The following UNC13C variants were observed in gnomAD, a reference collection of about 807,000 sequenced individuals.
UNC13C encodes unc-13 homolog C, also known as protein unc-13 homolog C.
Under a neutral mutation model 245.4 loss-of-function variants are expected in UNC13C, and 174 were observed. The observed-to-expected ratio is 0.71, with a 90% CI of 0.63 to 0.80. UNC13C has a LOEUF of 0.80. Among genes scored for constraint, UNC13C ranks in the 30% least tolerant of loss-of-function variants. The pLI is 0.00. For synonymous variants in UNC13C, 992 were observed against 895.1 expected (o/e 1.11, Z -1.93); for missense variants, 2,829 against 2,602.9 (o/e 1.09, Z -1.89).
chr15:53,923,361 G>A, the UNC13C span, among the ~76,000 whole-genome samples: 32 of 152,156 alleles, frequency 2.1e-4, no homozygotes, highest in African/African-American at 7.7e-4. Flanking sequence ...AAAGACTCTA[G>A]AAAAATTTAT....
At chr15:54,214,368 G>A (rs1243752329) in intron 4 of UNC13C, among the ~76,000 whole-genome samples, 1 of 151,910 alleles carries the variant, frequency 6.6e-6, no homozygotes, top group African/African-American at 2.4e-5. Flanking sequence ...TACTCGGTGA[G>A]ATGTGTCTTT....
chr15:54,095,897 C>T (rs1015486597), intron 2 of UNC13C, among the ~76,000 whole-genome samples: 7 of 152,106 alleles, frequency 4.6e-5, no homozygotes, highest in Non-Finnish European at 1.0e-4. Flanking sequence ...ACCAGAGATT[C>T]AGAAAGGGAA....
At chr15:54,070,513 G>C (rs559567925) in intron 2 of UNC13C, among the ~76,000 whole-genome samples, 2 of 152,284 alleles carry the variant, frequency 1.3e-5, no homozygotes, top group East Asian at 3.9e-4. Context: ...CAGCCCATCA[G>C]TCAGATGAGG....
At chr15:54,552,569 T>C (rs1411651986) in intron 28 of UNC13C, among the ~76,000 whole-genome samples, 2 of 24,880 alleles carry the variant, frequency 8.0e-5, no homozygotes, top group African/African-American at 1.3e-4. Flanking sequence ...TTATATATTA[T>C]ATATAATTAT....
chr15:54,315,963 C>A lies in UNC13C; in HGVS notation c.4269-5976C>A, dbSNP rs1050921596. Among the ~76,000 whole-genome samples the A allele has an allele frequency of 3.3e-5, 5 of 151,954 alleles. No individual in the cohort carries two copies. In the East Asian group the frequency reaches 9.8e-4, roughly 30 times the overall value. ...AGTTCAGACATCCATCGTCTCTTCT[C>A]TTCATAGCCTCCTAATTGGACTCTT... On this transcript the variant is annotated intron_variant, in intron 13 of 32. Coordinates refer to ENST00000260323, the MANE Select transcript of UNC13C (RefSeq NM_001080534.3).
intron 2 of UNC13C, among the ~76,000 whole-genome samples, chr15:54,019,999 A>G (rs929315218): frequency 6.6e-6 from 1 of 152,194 alleles, no homozygotes; most frequent in Non-Finnish European, 1.5e-5. Flanking sequence ...AACAGCAACA[A>G]CCACACACAC....
chr15:54,408,199 CAAAAAAAAAAAAA>C (rs71105808), intron 18 of UNC13C, among the ~76,000 whole-genome samples: 6 of 29,130 alleles, frequency 2.1e-4, no homozygotes, highest in African/African-American at 3.5e-4. Flanking sequence ...GACTCTGCCT[CAAAAAAAAAAAAA>C]AAAAAAAAAA....
intron 4 of UNC13C, among the ~76,000 whole-genome samples, chr15:54,230,049 T>A (rs2035506425): frequency 6.6e-6 from 1 of 152,226 alleles, no homozygotes; most frequent in Non-Finnish European, 1.5e-5. Context: ...TTTCATACCC[T>A]GGCTATATTG....
At chr15:54,561,815 C>G (rs867053212) in intron 29 of UNC13C, among the ~76,000 whole-genome samples, 1 of 151,756 alleles carries the variant, frequency 6.6e-6, no homozygotes, top group African/African-American at 2.4e-5. Flanking sequence ...GATTTGAGTT[C>G]CAGTTATTTA....
At chr15:54,192,263 T>C (rs1052286814) in intron 4 of UNC13C, among the ~76,000 whole-genome samples, 2 of 152,166 alleles carry the variant, frequency 1.3e-5, no homozygotes, top group Non-Finnish European at 2.9e-5. Context: ...ATTTGTTTTT[T>C]CATCTCTTCT....
At chr15:54,397,377 A>T (rs896544782) in intron 18 of UNC13C, among the ~76,000 whole-genome samples, 3 of 151,504 alleles carry the variant, frequency 2.0e-5, no homozygotes, top group Non-Finnish European at 3.0e-5. Context: ...AATCTGTTCC[A>T]CTGATCTATA....
chr15:54,050,170 C>T (rs1292757591), intron 2 of UNC13C: 1 of 455,446 alleles, frequency 2.2e-6, no homozygotes, highest in Non-Finnish European at 4.4e-6. Flanking sequence ...AGGGGTTTCA[C>T]CATGTTGGCC....
intron 18 of UNC13C, among the ~76,000 whole-genome samples, chr15:54,413,908 T>C (rs111509932): frequency 3.9e-5 from 6 of 152,178 alleles, no homozygotes; most frequent in Admixed American, 3.9e-4. Context: ...TGTATATATA[T>C]AGAGAGAAAA....
intron 19 of UNC13C, among the ~76,000 whole-genome samples, chr15:54,450,061 A>G (rs1162174275): frequency 2.0e-5 from 3 of 152,182 alleles, no homozygotes; most frequent in Non-Finnish European, 1.5e-5. Flanking sequence ...TTGCCTGGGT[A>G]TCAGCAGTGG....
chr15:54,459,933 G>A (rs1891745450), intron 19 of UNC13C, among the ~76,000 whole-genome samples: 1 of 151,986 alleles, frequency 6.6e-6, no homozygotes, highest in Non-Finnish European at 1.5e-5. Context: ...ATCCACTACT[G>A]GAGAGCTAGT....
chr15:54,550,442 C>G (rs1596552501), intron 28 of UNC13C, among the ~76,000 whole-genome samples: 1 of 152,064 alleles, frequency 6.6e-6, no homozygotes, highest in Admixed American at 6.6e-5. Context: ...TGTATGTCAC[C>G]TCCCACTTGC....
At chr15:53,853,503 C>T in the UNC13C span, among the ~76,000 whole-genome samples, 29 of 152,132 alleles carry the variant, frequency 1.9e-4, no homozygotes, top group African/African-American at 6.7e-4. Context: ...ATTTATATTC[C>T]TTTGGGTATA....
At chr15:54,272,893 T>C (rs2036724244) in intron 10 of UNC13C, among the ~76,000 whole-genome samples, 2 of 152,196 alleles carry the variant, frequency 1.3e-5, no homozygotes, top group Admixed American at 6.5e-5. Flanking sequence ...TAATTCACAG[T>C]CAGTAAACTA....
chr15:54,183,765 A>G (rs1364905229), intron 4 of UNC13C, among the ~76,000 whole-genome samples: 1 of 151,934 alleles, frequency 6.6e-6, no homozygotes, highest in Non-Finnish European at 1.5e-5. Flanking sequence ...CAGAAAAAAA[A>G]AAAAAAAAAC....
Sources: gnomAD v4.1 joint callset for allele counts (sites outside exome capture counted in the v4.1 genomes callset) on GRCh38, gnomAD v4.1.1 for gene constraint, MANE v1.5 for transcripts, NCBI Gene and HGNC (gene_info 2026-07-23, HGNC 2026-07-21) for gene names.